The following GSK3B variants were observed in gnomAD, a reference collection of about 807,000 sequenced individuals.
The protein encoded by GSK3B is glycogen synthase kinase-3 beta.
GSK3B carries 15 observed loss-of-function variants against 56.4 expected under a neutral mutation model. The observed-to-expected ratio is 0.27, with a 90% CI of 0.18 to 0.41. The LOEUF is 0.41. Ranked by LOEUF, GSK3B falls within the 10% of genes least tolerant of loss-of-function variation. The pLI, the probability that GSK3B is intolerant of heterozygous loss-of-function variation, is 1.00. For missense variants in GSK3B, 300 were observed against 513.4 expected, an observed-to-expected ratio of 0.58 and a Z score of 4.02; for synonymous variants, 181 against 188.9, an observed-to-expected ratio of 0.96 and a Z score of 0.34.
intron 2 of GSK3B, among the ~76,000 whole-genome samples, chr3:119,988,502 C>CT (rs2057536451): frequency 6.6e-6 from 1 of 152,162 alleles, no homozygotes; most frequent in Non-Finnish European, 1.5e-5. Flanking sequence ...TTTACAAAGG[C>CT]TTTAACTGGA....
At chr3:119,873,674 A>G (rs1428877961) in intron 8 of GSK3B, among the ~76,000 whole-genome samples, 1 of 152,178 alleles carries the variant, frequency 6.6e-6, no homozygotes, top group African/African-American at 2.4e-5. Flanking sequence ...TTCTTATAAT[A>G]ACCTATTTAA....
chr3:120,045,619 T>C (rs560866635), intron 1 of GSK3B, among the ~76,000 whole-genome samples: 3 of 152,216 alleles, frequency 2.0e-5, no homozygotes, highest in Non-Finnish European at 4.4e-5. Context: ...AAAAACCCCT[T>C]CTCTCCTTTG....
intron 1 of GSK3B, among the ~76,000 whole-genome samples, chr3:120,024,534 C>T (rs777890314): frequency 2.0e-5 from 3 of 152,222 alleles, no homozygotes; most frequent in Admixed American, 6.5e-5. Context: ...TATCTCTCTT[C>T]TCTGAAAACC....
chr3:119,983,666 A>C (rs753904886), intron 2 of GSK3B, among the ~76,000 whole-genome samples: 9 of 152,204 alleles, frequency 5.9e-5, no homozygotes, highest in Non-Finnish European at 8.8e-5. Context: ...AACTATCCTA[A>C]AGATATATGC....
At chr3:119,949,438 T>C (rs12054090) in intron 2 of GSK3B, among the ~76,000 whole-genome samples, 36,818 of 151,944 alleles carry the variant, frequency 0.24, 4,911 homozygotes, top group East Asian at 0.49. Context: ...TATAGGGAAC[T>C]GCAAATGTAA....
intron 2 of GSK3B, among the ~76,000 whole-genome samples, chr3:119,984,070 C>T (rs2057490040): frequency 6.6e-6 from 1 of 152,298 alleles, no homozygotes; most frequent in Admixed American, 6.5e-5. Context: ...AACTGCACAA[C>T]TGCATGGAAA....
chr3:120,021,453 T>C (rs1576276933), intron 1 of GSK3B, among the ~76,000 whole-genome samples: 2 of 151,012 alleles, frequency 1.3e-5, no homozygotes, highest in African/African-American at 4.9e-5. Flanking sequence ...AGGGCAGAGG[T>C]TGCAGTGAGC....
intron 2 of GSK3B, among the ~76,000 whole-genome samples, chr3:119,994,278 T>C (rs1191162452): frequency 1.7e-4 from 26 of 152,106 alleles, no homozygotes; most frequent in Admixed American, 1.7e-3. Context: ...GTCCGTATGA[T>C]ATATAAAATT....
At chr3:119,941,715 T>C (rs146992690) in intron 3 of GSK3B, among the ~76,000 whole-genome samples, 2 of 152,342 alleles carry the variant, frequency 1.3e-5, no homozygotes, top group African/African-American at 4.8e-5. Flanking sequence ...GTTTATTAAG[T>C]GTTAATTTAT....
chr3:119,876,263 T>C, intron 8 of GSK3B, 150 bp downstream of exon 8: 1 of 576,590 alleles, frequency 1.7e-6, no homozygotes, highest in South Asian at 2.4e-5. Context: ...ATAAAGTCAA[T>C]GAAACACTCA....
At position 119,824,329 on chromosome 3, in the gene GSK3B, GCA is replaced by G. The variant is rs3835183; in HGVS notation, c.*2457_*2458del. The G allele has an allele frequency of 0.27, 57,544 of 212,154 alleles. 8,094 individuals are homozygous for G. The highest frequency in any genetic ancestry group is 0.48 in the East Asian group (6,850 of 14,214). The allele number at this position is 212,154 out of a possible 1,614,324, so 13.1% of individuals were successfully genotyped here. ...TGAGAAAGAAAAATCACACATCTCA[GCA>G]CACACACACACACACACACACGCAC... On this transcript the variant is annotated 3_prime_UTR_variant, in exon 11 of 11. Transcript: ENST00000264235.
intron 7 of GSK3B, among the ~76,000 whole-genome samples, chr3:119,878,527 T>C (rs924848480): frequency 5.3e-5 from 8 of 152,176 alleles, no homozygotes; most frequent in African/African-American, 1.4e-4. Flanking sequence ...AAATGGTATA[T>C]AGCACCTTGG....
At chr3:120,037,493 A>G (rs1254004151) in intron 1 of GSK3B, among the ~76,000 whole-genome samples, 1 of 152,200 alleles carries the variant, frequency 6.6e-6, no homozygotes, top group African/African-American at 2.4e-5. Flanking sequence ...CTAAAATAAG[A>G]AACAATCCTA....
At chr3:119,995,793 A>AGT (rs2107473442) in intron 2 of GSK3B, among the ~76,000 whole-genome samples, 1 of 145,882 alleles carries the variant, frequency 6.9e-6, no homozygotes, top group East Asian at 2.0e-4. Flanking sequence ...GCTAGAGTGC[A>AGT]GTGGCGCAAT....
chr3:120,027,095 C>T (rs2057934577), intron 1 of GSK3B, among the ~76,000 whole-genome samples: 2 of 150,592 alleles, frequency 1.3e-5, no homozygotes, highest in South Asian at 4.2e-4. Flanking sequence ...GCAGGAACGG[C>T]CAGGCACGGT....
chr3:119,866,842 A>T (rs767351790), intron 8 of GSK3B, among the ~76,000 whole-genome samples: 159 of 152,254 alleles, frequency 1.0e-3, no homozygotes, highest in Non-Finnish European at 1.9e-3. Flanking sequence ...ATGCAAAAAA[A>T]TTTTTTTTGA....
At chr3:119,887,113 T>C (rs1267169439) in intron 7 of GSK3B, among the ~76,000 whole-genome samples, 2 of 152,108 alleles carry the variant, frequency 1.3e-5, no homozygotes, top group Non-Finnish European at 2.9e-5. Flanking sequence ...TAAAATTGAG[T>C]ATAAAAAATC....
chr3:119,893,582 A>C (rs1188375981), intron 7 of GSK3B, among the ~76,000 whole-genome samples: 1 of 152,154 alleles, frequency 6.6e-6, no homozygotes, highest in Non-Finnish European at 1.5e-5. Context: ...TTATTTGAGC[A>C]CAAGTAAACA....
Position 120,002,158 on chromosome 3 carries a change from G to A in GSK3B, c.170C>T (p.Thr57Ile), listed in dbSNP as rs2107482926. ...TCCATTTCCAATCACTTTAGTGTCTGTATAGCTGACTTCTTGTGGCCTGTC... is the reference window on the plus strand; with the variant it reads ...TCCATTTCCAATCACTTTAGTGTCTATATAGCTGACTTCTTGTGGCCTGTC... ...GPDRPQEVSYTDTKVIGNGSF... is the reference protein window; with the variant it reads ...GPDRPQEVSYIDTKVIGNGSF... Residue 57 changes from threonine (T) to isoleucine (I), a missense_variant, in exon 2 of 11, where the codon ACA becomes ATA. Physicochemically the swap from Thr to Ile is moderately conservative, Grantham distance 89 (BLOSUM62 -1). Transcript: ENST00000264235. 1.2e-6 allele frequency: 2 copies of A among 1,610,914 alleles called. No homozygotes were observed. Among genetic ancestry groups the A allele is most frequent in the Non-Finnish European group, 1.7e-6 (2 of 1,178,398 alleles).
Sources: allele counts gnomAD v4.1 joint callset (sites outside exome capture counted in the v4.1 genomes callset), GRCh38; gene constraint gnomAD v4.1.1; transcripts MANE v1.5; gene names NCBI Gene and HGNC (gene_info 2026-07-23, HGNC 2026-07-21).